SLC20A2: variants seen among roughly 807,000 people sequenced by gnomAD.
SLC20A2 encodes the protein solute carrier family 20 member 2, also known as sodium-dependent phosphate transporter 2.
A neutral mutation model predicts 61.0 loss-of-function variants in SLC20A2; 30 were observed. The observed-to-expected ratio is 0.49, with a 90% confidence interval of 0.37 to 0.67. The LOEUF is 0.67. SLC20A2 is among the 30% of genes least tolerant of loss of function. The pLI, the probability that SLC20A2 is intolerant of heterozygous loss-of-function variation, is 0.00. For missense variants in SLC20A2, 626 were observed against 866.4 expected, an observed-to-expected ratio of 0.72 and a Z score of 3.48; for synonymous variants, 351 against 353.3, an observed-to-expected ratio of 0.99 and a Z score of 0.07.
At chr8:42,421,239 AG>A (rs1422424508) in intron 10 of SLC20A2, among the ~76,000 whole-genome samples, 1 of 152,160 alleles carries the variant, frequency 6.6e-6, no homozygotes, top group Admixed American at 6.5e-5. Flanking sequence ...TATGTTGCCT[AG>A]ACTGGTCTTG....
chr8:42,464,090 A>ATTTTTTTTTT (rs1563488008), intron 3 of SLC20A2, among the ~76,000 whole-genome samples: 21 of 19,992 alleles, frequency 1.1e-3, no homozygotes, highest in East Asian at 2.3e-3. Flanking sequence ...AGGCTGGATG[A>ATTTTTTTTTT]TCTTTTTTTT....
intron 1 of SLC20A2, among the ~76,000 whole-genome samples, chr8:42,515,424 G>A (rs1236939449): frequency 6.6e-6 from 1 of 152,126 alleles, no homozygotes; most frequent in Admixed American, 6.5e-5. Flanking sequence ...AGAAAAAATA[G>A]GAAAGAGATC....
rs117270872 is a variant in SLC20A2, at chr8:42,436,947, G to T, written c.1523+42C>A. On this transcript the variant is annotated intron_variant, in intron 8 of 10. Transcript: ENST00000520262. ...CCGCACAGCGCTGGCCCCTGGCGGA[G>T]CCTCAAGGACCCTTGTTGAATGAAT... is the stretch of plus-strand genomic sequence containing the variant. 13,396 of 1,531,876 alleles carry T rather than the reference G, an allele frequency of 8.7e-3. 93 individuals are homozygous for T. Among genetic ancestry groups the T allele is most frequent in the Non-Finnish European group, 0.01 (11,584 of 1,132,740 alleles). The allele number at this position is 1,531,876 out of a possible 1,614,324, so 94.9% of individuals were successfully genotyped here.
In SLC20A2 at chr8:42,439,491, G is replaced by A. The variant is rs115932374; in HGVS notation, c.893C>T (p.Ser298Leu). Residue 298 changes from serine (S) to leucine (L), a missense_variant, in exon 7 of 11, where the codon TCG becomes TTG. Physicochemically the swap from Ser to Leu is moderately radical, Grantham distance 145. Around this residue, in one of 3 missense-constraint regions of SLC20A2, gnomAD observed 361 missense variants for 422.3 expected, o/e 0.85. Coordinates refer to ENST00000520262, the MANE Select transcript of SLC20A2 (RefSeq NM_001257180.2). ...GTGGCTGCCCGCAGAAGTGCCTTCCGAGGTCCCCAGTGTCTCCCCTGCTGC... is the reference window on the plus strand; with the variant it reads ...GTGGCTGCCCGCAGAAGTGCCTTCCAAGGTCCCCAGTGTCTCCCCTGCTGC... ...TGAAGETLGT[S>L]EGTSAGSHPR... 40 of 1,614,006 alleles carry A rather than the reference G, an allele frequency of 2.5e-5. No individual in the cohort carries two copies. In the Middle Eastern group the frequency reaches 1.0e-3, roughly 41 times the overall value.
At chr8:42,446,410 T>G (rs75182295) in intron 5 of SLC20A2, among the ~76,000 whole-genome samples, 4,912 of 152,308 alleles carry the variant, frequency 0.032, 111 homozygotes, top group African/African-American at 0.067. Context: ...TGAACACTTA[T>G]GCTCATACAT....
chr8:42,481,339 T>TCCACA (rs767325260), intron 1 of SLC20A2, among the ~76,000 whole-genome samples: 76 of 152,078 alleles, frequency 5.0e-4, no homozygotes, highest in Middle Eastern at 3.4e-3. Context: ...TTCCCATGAG[T>TCCACA]CCACACCACA....
intron 5 of SLC20A2, among the ~76,000 whole-genome samples, chr8:42,448,410 A>G (rs186740432): frequency 2.0e-5 from 3 of 152,316 alleles, no homozygotes; most frequent in African/African-American, 7.2e-5. Context: ...GAAGTCAAGA[A>G]GGGCTACTTG....
chr8:42,486,369 GTT>G (rs1809013822), intron 1 of SLC20A2, among the ~76,000 whole-genome samples: 1 of 152,036 alleles, frequency 6.6e-6, no homozygotes, highest in Non-Finnish European at 1.5e-5. Context: ...TGCCTGGCAA[GTT>G]TTTTTGGTAG....
intron 3 of SLC20A2, among the ~76,000 whole-genome samples, chr8:42,464,092 C>CTGTTTTTTTT (rs1806932691): frequency 4.9e-5 from 1 of 20,540 alleles, no homozygotes; most frequent in Non-Finnish European, 1.0e-4. Context: ...GCTGGATGAT[C>CTGTTTTTTTT]TTTTTTTTTT....
intron 1 of SLC20A2, among the ~76,000 whole-genome samples, chr8:42,523,791 C>CAGAA (rs1174902439): frequency 1.3e-5 from 2 of 152,186 alleles, no homozygotes; most frequent in African/African-American, 4.8e-5. Context: ...ACTTGACCTT[C>CAGAA]AGAAATCCCT....
rs781309493 is a variant in SLC20A2, at chr8:42,437,509, C to T, written c.1003G>A (p.Gly335Ser). Reference protein sequence around the residue: ...PISNGTFGFDGHTRSDGHVYH... With the variant: ...PISNGTFGFDSHTRSDGHVYH... ...ACATGACCGTCGCTCCTGGTGTGGC[C>T]GTCGAAGCCGAAGGTGCCGTTGGAG... is the stretch of plus-strand genomic sequence containing the variant. The change falls in exon 8 of 11, where the codon GGC (glycine) becomes AGC (serine). Residue 335 changes from glycine (G) to serine (S), a missense_variant. Physicochemically the swap from Gly to Ser is moderately conservative, Grantham distance 56. Transcript: ENST00000520262. This position sits in a 1 kb window ranked among gnomAD's most constrained non-coding sequence, Gnocchi z 6.4. The T allele has an allele frequency of 2.5e-6, 4 of 1,613,934 alleles. No individual in the cohort carries two copies. Among genetic ancestry groups the T allele is most frequent in the East Asian group, 4.5e-5 (2 of 44,868 alleles).
Position 42,417,344 on chromosome 8 carries a change from A to C in SLC20A2, c.*459T>G, listed in dbSNP as rs2130902638. On this transcript the variant is annotated 3_prime_UTR_variant, in exon 11 of 11. Coordinates refer to ENST00000520262, the MANE Select transcript of SLC20A2 (RefSeq NM_001257180.2). ...GAAGCTCATTACCTTACAGTATATT[A>C]GAAGGCAAAAACATCATTTGGAAAA... is the stretch of plus-strand genomic sequence containing the variant. The C allele has an allele frequency of 6.2e-6, 1 of 161,056 alleles. No individual in the cohort carries two copies. Among genetic ancestry groups the C allele is most frequent in the South Asian group, 1.7e-4 (1 of 5,876 alleles). The allele number at this position is 161,056 out of a possible 1,614,324, so 10.0% of individuals were successfully genotyped here. A position where few individuals can be genotyped will look rare whatever the true frequency, so the allele number is the denominator to read the frequency against.
intron 1 of SLC20A2, among the ~76,000 whole-genome samples, chr8:42,474,344 CAT>C (rs1457936317): frequency 2.6e-5 from 4 of 152,018 alleles, no homozygotes; most frequent in Admixed American, 6.6e-5. Context: ...AATCTACAAA[CAT>C]ATTGAGCATC....
intron 6 of SLC20A2, among the ~76,000 whole-genome samples, chr8:42,440,924 C>A (rs1409674521): frequency 6.6e-6 from 1 of 152,208 alleles, no homozygotes; most frequent in Admixed American, 6.5e-5. Flanking sequence ...CCTCAGCCTC[C>A]CGAGTAGCTG....
chr8:42,461,437 T>C (rs1806691461), intron 4 of SLC20A2, among the ~76,000 whole-genome samples: 1 of 151,338 alleles, frequency 6.6e-6, no homozygotes, highest in Non-Finnish European at 1.5e-5. Context: ...TAAATTACCG[T>C]ATGTTTTTTC....
intron 3 of SLC20A2, among the ~76,000 whole-genome samples, chr8:42,465,497 T>C (rs1807083719): frequency 6.6e-6 from 1 of 151,610 alleles, no homozygotes; most frequent in African/African-American, 2.4e-5. Context: ...ATTAAGACCA[T>C]CCTGGCCAAC....
In SLC20A2 at chr8:42,437,760, C is replaced by A. The variant is rs1176916053; in HGVS notation, c.935-183G>T. Among the ~76,000 whole-genome samples, 1 of 151,718 alleles carries A rather than the reference C, an allele frequency of 6.6e-6. No homozygotes were observed. Among genetic ancestry groups the A allele is most frequent in the Admixed American group, 6.6e-5 (1 of 15,190 alleles). Reference sequence around the variant, plus strand: ...CCTCCTGAGTAGCTGGGACTACAAGCGCGACACCATGCCCAGCTAACTTTT... The same window carrying A: ...CCTCCTGAGTAGCTGGGACTACAAGAGCGACACCATGCCCAGCTAACTTTT... On this transcript the variant is annotated intron_variant, in intron 7 of 10. Transcript: ENST00000520262. This position sits in a 1 kb window ranked among gnomAD's most constrained non-coding sequence, Gnocchi z 6.4.
intron 1 of SLC20A2, among the ~76,000 whole-genome samples, chr8:42,512,434 T>C (rs2131377011): frequency 6.6e-6 from 1 of 151,642 alleles, no homozygotes; most frequent in East Asian, 1.9e-4. Flanking sequence ...CACTGTAACC[T>C]CTGCTTCCTG....
intron 5 of SLC20A2, among the ~76,000 whole-genome samples, chr8:42,455,237 A>ATATAT (rs1194959482): frequency 5.9e-5 from 6 of 101,116 alleles, no homozygotes; most frequent in African/African-American, 2.6e-4. Flanking sequence ...AAAAAAAAAA[A>ATATAT]AAAAATATAT....
Sources: gnomAD v4.1 joint callset for allele counts (sites outside exome capture counted in the v4.1 genomes callset) on GRCh38, gnomAD v4.1.1 for gene constraint, gnomAD v4.1.1 regional missense constraint, Gnocchi (gnomAD v3.1) non-coding constraint, MANE v1.5 for transcripts, NCBI Gene and HGNC (gene_info 2026-07-23, HGNC 2026-07-21) for gene names.